Variants in DCP2 observed in about 807,000 individuals in gnomAD.
DCP2 encodes m7GpppN-mRNA hydrolase.
In DCP2, 30 loss-of-function variants were observed where a neutral mutation model predicts 56.1. The observed-to-expected ratio is 0.53, with a 90% confidence interval of 0.40 to 0.73. The LOEUF (loss-of-function observed/expected upper bound fraction) is 0.73. Ranked by LOEUF, DCP2 falls within the 30% of genes least tolerant of loss-of-function variation. DCP2 has a pLI of 0.00. For missense variants in DCP2, 533 were observed against 502.7 expected, an observed-to-expected ratio of 1.06 and a Z score of -0.58; for synonymous variants, 197 against 163.3, an observed-to-expected ratio of 1.21 and a Z score of -1.57.
chr5:112,981,451 A>G (rs1166339305), intron 1 of DCP2, among the ~76,000 whole-genome samples: 1 of 152,128 alleles, frequency 6.6e-6, no homozygotes, highest in Non-Finnish European at 1.5e-5. Context: ...CTTGAAAAAA[A>G]TTAGGGTTGA....
At chr5:112,978,733 T>TA (rs1747850334) in intron 1 of DCP2, among the ~76,000 whole-genome samples, 1 of 152,144 alleles carries the variant, frequency 6.6e-6, no homozygotes. Context: ...GTATGTGGGT[T>TA]AATGACTAGA....
intron 9 of DCP2, among the ~76,000 whole-genome samples, chr5:113,010,474 A>T (rs1315956880): frequency 6.6e-6 from 1 of 152,108 alleles, no homozygotes; most frequent in Admixed American, 6.6e-5. Flanking sequence ...TCAAAGTGCT[A>T]GGATTACAGG....
intron 4 of DCP2, among the ~76,000 whole-genome samples, chr5:112,999,714 G>A (rs1241261513): frequency 6.6e-6 from 1 of 151,374 alleles, no homozygotes; most frequent in Non-Finnish European, 1.5e-5. Flanking sequence ...ACTGTAGCCT[G>A]GAACTCCTTT....
rs1186140150 is a variant in DCP2 at position 113,017,925 on chromosome 5, C to A, written c.*4441C>A. The stretch of plus-strand genomic sequence containing the variant: ...TTTTGAAGTTTGATTGCCAAGCAAT[C>A]CAGTGAATCTAAAGTAATTTTTCTC... On this transcript the variant is annotated 3_prime_UTR_variant, in exon 11 of 11. Coordinates refer to ENST00000389063, the MANE Select transcript of DCP2 (RefSeq NM_152624.6). 6.6e-6 allele frequency: 1 copy of A among 152,084 alleles called. No homozygotes were observed. The highest frequency in any genetic ancestry group is 1.5e-5 in the Non-Finnish European group (1 of 68,024). The allele number at this position is 152,084 out of a possible 1,614,324, so 9.4% of individuals were successfully genotyped here.
At chr5:112,986,642 T>A (rs1381555329) in intron 2 of DCP2, among the ~76,000 whole-genome samples, 1 of 152,132 alleles carries the variant, frequency 6.6e-6, no homozygotes, top group Non-Finnish European at 1.5e-5. Flanking sequence ...CCAGTGACAT[T>A]TATTAAATAA....
Position 113,013,773 on chromosome 5 carries a change from A to T in DCP2, c.*289A>T. ...GTGGGTTTTATTTTGTATTCTGGTTAAGAAAATAATGTATTGAGTTACTGT... is the reference window on the plus strand; with the variant it reads ...GTGGGTTTTATTTTGTATTCTGGTTTAGAAAATAATGTATTGAGTTACTGT... On this transcript the variant is annotated 3_prime_UTR_variant, in exon 11 of 11. Transcript: ENST00000389063. The T allele has an allele frequency of 3.8e-6, 1 of 266,660 alleles. No homozygotes were observed. The highest frequency in any genetic ancestry group is 7.0e-6 in the Non-Finnish European group (1 of 142,502). 16.5% of individuals were successfully genotyped at this position (266,660 alleles called of 1,614,324 possible).
At chr5:113,008,471 A>G (rs900557515) in intron 9 of DCP2, among the ~76,000 whole-genome samples, 3 of 55,296 alleles carry the variant, frequency 5.4e-5, no homozygotes, top group African/African-American at 2.4e-4. Flanking sequence ...CTTGATGACA[A>G]ATAACAAAGC....
intron 1 of DCP2, among the ~76,000 whole-genome samples, chr5:112,985,602 G>C (rs1173149248): frequency 6.6e-6 from 1 of 152,172 alleles, no homozygotes; most frequent in Non-Finnish European, 1.5e-5. Flanking sequence ...CTTGTGAACA[G>C]AGGGTACACA....
intron 4 of DCP2, among the ~76,000 whole-genome samples, chr5:112,997,672 C>T (rs1035123599): frequency 4.7e-5 from 7 of 149,212 alleles, no homozygotes; most frequent in Non-Finnish European, 1.0e-4. Flanking sequence ...TGCAGTGGTG[C>T]GATCTCAGTT....
intron 6 of DCP2, 43 bp downstream of exon 6, chr5:113,001,512 A>G (rs1215597726): frequency 6.2e-7 from 1 of 1,605,994 alleles, no homozygotes; most frequent in South Asian, 1.1e-5. Flanking sequence ...TGATTGGGAT[A>G]GTCATCTTCT....
chr5:112,985,935 C>G lies in DCP2; in HGVS notation c.154C>G (p.Gln52Glu). 6.2e-7 allele frequency: 1 copy of G among 1,603,946 alleles called. No homozygotes were observed. The highest frequency in any genetic ancestry group is 8.5e-7 in the Non-Finnish European group (1 of 1,172,180). Residue 52 changes from glutamine (Q) to glutamate (E), a missense_variant, in exon 2 of 11, where the codon CAG becomes GAG. Gln to Glu is a conservative substitution (Grantham distance 29). Around this residue, in one of 3 missense-constraint regions of DCP2, gnomAD observed 137 missense variants for 138.2 expected, o/e 0.99. Coordinates refer to ENST00000389063, the MANE Select transcript of DCP2 (RefSeq NM_152624.6). The part of the protein sequence containing the change: ...AHWFYLDFYM[Q>E]NTPGLPQCGI... ...TTGGTTTTACTTGGATTTCTACATG[C>G]AGAACACACCAGGATTACCTCAGTG...
chr5:112,976,919 C>T lies in DCP2; in HGVS notation c.-15C>T, dbSNP rs779524244. ...GCGGAGCCGGGATGCACTGTTCCTGCTGTGGGTCCTCATCATGGAGACCAA... is the reference window on the plus strand; with the variant it reads ...GCGGAGCCGGGATGCACTGTTCCTGTTGTGGGTCCTCATCATGGAGACCAA... On this transcript the variant is annotated 5_prime_UTR_variant, in exon 1 of 11. Coordinates refer to ENST00000389063, the MANE Select transcript of DCP2 (RefSeq NM_152624.6). The T allele has an allele frequency of 1.9e-6, 3 of 1,613,406 alleles. No homozygotes were observed. The highest frequency in any genetic ancestry group is 2.2e-5 in the East Asian group (1 of 44,850).
chr5:113,007,889 T>C (rs368171696), intron 8 of DCP2, 49 bp from the exon 9 acceptor site: 4 of 1,509,232 alleles, frequency 2.7e-6, no homozygotes, highest in Non-Finnish European at 3.6e-6. Context: ...TTTTTTGTGC[T>C]ATTACATTAT....
At position 113,021,386 on chromosome 5, in the gene DCP2, CAAAA is replaced by C. The variant is rs61532290; in HGVS notation, c.*7917_*7920del. 1.9e-5 allele frequency among the ~76,000 whole-genome samples: 2 copies of C among 105,564 alleles called. No individual in the cohort carries two copies. The highest frequency in any genetic ancestry group is 3.1e-5 in the African/African-American group (1 of 31,938). 69.3% of individuals were successfully genotyped at this position (105,564 alleles called of 152,430 possible). ...CTGTCTGGAAAAAACAAAAAACAAC[CAAAA>C]AAAAAAAAAAAAAACCCCCAGGAAG... is the stretch of plus-strand genomic sequence containing the variant. On this transcript the variant is annotated 3_prime_UTR_variant, in exon 11 of 11. Coordinates refer to ENST00000389063, the MANE Select transcript of DCP2 (RefSeq NM_152624.6).
chr5:113,005,145 C>CTTGTGGGTGTGTGT (rs1554101191), intron 8 of DCP2, among the ~76,000 whole-genome samples: 21 of 5,544 alleles, frequency 3.8e-3, no homozygotes, highest in African/African-American at 0.011. Flanking sequence ...AAAAAGTGTG[C>CTTGTGGGTGTGTGT]GTGTGGGTGT....
At position 113,001,817 on chromosome 5, in the gene DCP2, A is replaced by AT. The variant is rs889859799; in HGVS notation, c.806+150dup. 484 of 770,588 alleles carry AT rather than the reference A, an allele frequency of 6.3e-4. 1 individual carries two copies. Among genetic ancestry groups the AT allele is most frequent in the Non-Finnish European group, 8.3e-4 (402 of 484,370 alleles). 47.7% of individuals were successfully genotyped at this position (770,588 alleles called of 1,614,324 possible). On this transcript the variant is annotated intron_variant, in intron 7 of 10. Coordinates refer to ENST00000389063, the MANE Select transcript of DCP2 (RefSeq NM_152624.6). ...TTACTGGTCTCACAGATAATAGAAGATTTTTTTAAAGGGTTTCTGATGAGA... is the reference window on the plus strand; with the variant it reads ...TTACTGGTCTCACAGATAATAGAAGATTTTTTTTAAAGGGTTTCTGATGAGA...
chr5:112,978,040 C>A (rs150327882), intron 1 of DCP2, among the ~76,000 whole-genome samples: 2,906 of 151,892 alleles, frequency 0.019, 95 homozygotes, highest in African/African-American at 0.066. Flanking sequence ...TGCAGTGGTG[C>A]GGTCTTGGCT....
intron 8 of DCP2, among the ~76,000 whole-genome samples, chr5:113,004,307 C>T (rs978285859): frequency 6.6e-6 from 1 of 152,194 alleles, no homozygotes; most frequent in African/African-American, 2.4e-5. Flanking sequence ...TGTGTATATG[C>T]TGCCAATGAA....
intron 2 of DCP2, among the ~76,000 whole-genome samples, chr5:112,988,530 A>T (rs897920729): frequency 8.9e-4 from 134 of 150,326 alleles, no homozygotes; most frequent in African/African-American, 3.2e-3. Flanking sequence ...GGTATCCAAG[A>T]TTTATTGGTT....
Sources: allele counts gnomAD v4.1 joint callset (sites outside exome capture counted in the v4.1 genomes callset), GRCh38; gene constraint gnomAD v4.1.1; regional missense constraint gnomAD v4.1.1; transcripts MANE v1.5; gene names NCBI Gene and HGNC (gene_info 2026-07-23, HGNC 2026-07-21).